KCNMA1: variants seen among roughly 807,000 people sequenced by gnomAD.
KCNMA1 encodes the protein Calcium-activated potassium channel subunit alpha-1.
In KCNMA1, 29 loss-of-function variants were observed where a neutral mutation model predicts 140.0. That is an observed-to-expected ratio of 0.21 (90% confidence interval 0.15 to 0.28). The LOEUF (loss-of-function observed/expected upper bound fraction) is 0.28, where lower values mean the gene tolerates loss of function less well. Ranked by LOEUF, KCNMA1 falls within the 10% of genes least tolerant of loss-of-function variation. KCNMA1 has a pLI of 1.00. For missense variants in KCNMA1, 880 were observed against 1,602.2 expected (o/e 0.55, Z 7.70); for synonymous variants, 612 against 611.9 (o/e 1.00, Z 0.00).
At chr10:77,473,359 A>AG (rs1416475502) in intron 1 of KCNMA1, among the ~76,000 whole-genome samples, 3 of 152,136 alleles carry the variant, frequency 2.0e-5, no homozygotes, top group Non-Finnish European at 4.4e-5. Context: ...TTATCTCCTG[A>AG]GGGGGGCTGA....
At chr10:77,007,897 G>A (rs1014585792) in intron 18 of KCNMA1, among the ~76,000 whole-genome samples, 1 of 151,694 alleles carries the variant, frequency 6.6e-6, no homozygotes, top group African/African-American at 2.4e-5. Flanking sequence ...CTGTTGTCAA[G>A]GTCTTATTTT....
Position 77,555,807 on chromosome 10 carries a change from C to T in KCNMA1, c.378+81458G>A, listed in dbSNP as rs141966784. On this transcript the variant is annotated intron_variant, in intron 1 of 27. Coordinates refer to ENST00000286628, the MANE Select transcript of KCNMA1 (RefSeq NM_001161352.2). ...CCATGCCTCTAGCACACACATATGC[C>T]TCATGGAAGGCATCTGGAGAGGTTA... Among the ~76,000 whole-genome samples the T allele has an allele frequency of 1.3e-3, 196 of 152,282 alleles. 2 individuals carry two copies. The highest frequency in any genetic ancestry group is 4.5e-3 in the African/African-American group (186 of 41,550).
chr10:76,969,300 G>GGGAAGGAAGGGAGGGAGGAAGGAAGGAA (rs2075219592), intron 20 of KCNMA1, among the ~76,000 whole-genome samples: 1 of 109,288 alleles, frequency 9.2e-6, no homozygotes, highest in African/African-American at 3.4e-5. Context: ...GAAGGAAGGA[G>GGGAAGGAAGGGAGGGAGGAAGGAAGGAA]GGAAGGAAGG....
intron 2 of KCNMA1, among the ~76,000 whole-genome samples, chr10:77,360,890 C>T (rs887303574): frequency 1.4e-4 from 22 of 152,160 alleles, no homozygotes; most frequent in African/African-American, 2.4e-5. Flanking sequence ...AGGCCTGAGC[C>T]TCCTCACTGC....
chr10:77,097,338 A>T (rs1396049926), intron 9 of KCNMA1, among the ~76,000 whole-genome samples: 2 of 152,120 alleles, frequency 1.3e-5, no homozygotes, highest in African/African-American at 2.4e-5. Flanking sequence ...GATAGGGGAG[A>T]CATCATGGGC....
At chr10:77,164,641 G>C (rs2098614366) in intron 5 of KCNMA1, among the ~76,000 whole-genome samples, 1 of 152,022 alleles carries the variant, frequency 6.6e-6, no homozygotes, top group African/African-American at 2.4e-5. Flanking sequence ...CTAGACCCCA[G>C]GGAAGTGGCT....
chr10:77,374,964 A>C (rs1289761067), intron 2 of KCNMA1, among the ~76,000 whole-genome samples: 1 of 152,200 alleles, frequency 6.6e-6, no homozygotes. Context: ...GGCCTAAACC[A>C]GTTTCCATAC....
chr10:77,184,062 TCACACACA>T (rs3068684), intron 4 of KCNMA1, among the ~76,000 whole-genome samples: 3 of 148,010 alleles, frequency 2.0e-5, no homozygotes, highest in African/African-American at 2.5e-5. Flanking sequence ...ATGTACGCAT[TCACACACA>T]CACACACACA....
downstream of KCNMA1, among the ~76,000 whole-genome samples, chr10:76,883,234 A>AT (rs202041612): frequency 2.0e-5 from 3 of 152,220 alleles, no homozygotes; most frequent in East Asian, 1.9e-4. Context: ...AGGCACTCAT[A>AT]TTTTTTTAAA....
chr10:77,368,888 T>C (rs1480514575), intron 2 of KCNMA1, among the ~76,000 whole-genome samples: 2 of 152,252 alleles, frequency 1.3e-5, no homozygotes, highest in Non-Finnish European at 2.9e-5. Context: ...ACTCCATTGA[T>C]CTATGTGTCT....
chr10:77,085,920 G>C (rs1430022921), intron 11 of KCNMA1, among the ~76,000 whole-genome samples: 1 of 152,048 alleles, frequency 6.6e-6, no homozygotes, highest in Non-Finnish European at 1.5e-5. Context: ...TTTATGAGAA[G>C]ATTCTAAATT....
At chr10:77,225,352 T>C (rs529593935) in intron 3 of KCNMA1, among the ~76,000 whole-genome samples, 2 of 152,144 alleles carry the variant, frequency 1.3e-5, no homozygotes, top group South Asian at 4.1e-4. Flanking sequence ...CAGGAACTAC[T>C]AGAAAGATGG....
intron 2 of KCNMA1, among the ~76,000 whole-genome samples, chr10:77,264,178 C>A (rs2062790632): frequency 6.6e-6 from 1 of 152,150 alleles, no homozygotes; most frequent in Non-Finnish European, 1.5e-5. Context: ...CCTGATTCCA[C>A]CTTGCTTCCT....
intron 2 of KCNMA1, among the ~76,000 whole-genome samples, chr10:77,312,572 G>A (rs1380019833): frequency 6.6e-6 from 1 of 152,224 alleles, no homozygotes; most frequent in Non-Finnish European, 1.5e-5. Flanking sequence ...ATTGTAGTGA[G>A]CTGAAATCGT....
intron 13 of KCNMA1, chr10:77,077,816 C>T (rs2096444441): frequency 1.3e-5 from 2 of 152,260 alleles, no homozygotes; most frequent in South Asian, 4.1e-4. Context: ...TCCAGCTTGA[C>T]ACCCGTACAT....
At chr10:77,051,791 C>G (rs2095376940) in intron 14 of KCNMA1, among the ~76,000 whole-genome samples, 1 of 152,106 alleles carries the variant, frequency 6.6e-6, no homozygotes, top group East Asian at 1.9e-4. Flanking sequence ...ATTCCCTTCA[C>G]CTGCAAAATG....
At chr10:76,940,052 G>A (rs73282578) in intron 23 of KCNMA1, among the ~76,000 whole-genome samples, 66 of 152,378 alleles carry the variant, frequency 4.3e-4, no homozygotes, top group African/African-American at 1.5e-3. Context: ...GTTCTGAGCT[G>A]ATGTTTGCTG....
downstream of KCNMA1, among the ~76,000 whole-genome samples, chr10:76,882,178 G>A (rs1004213381): frequency 2.0e-5 from 3 of 152,156 alleles, no homozygotes; most frequent in Non-Finnish European, 1.5e-5. Flanking sequence ...TTGGCTCTGT[G>A]GGTTGTCAGT....
At chr10:77,128,294 T>C (rs2097782661) in intron 5 of KCNMA1, among the ~76,000 whole-genome samples, 1 of 152,068 alleles carries the variant, frequency 6.6e-6, no homozygotes, top group African/African-American at 2.4e-5. Flanking sequence ...AAATTTTACT[T>C]AAGGTGGGTT....
Sources: gnomAD v4.1 joint callset for allele counts (sites outside exome capture counted in the v4.1 genomes callset) on GRCh38, gnomAD v4.1.1 for gene constraint, MANE v1.5 for transcripts, NCBI Gene and HGNC (gene_info 2026-07-23, HGNC 2026-07-21) for gene names.